Variants in ZNF704 observed in about 807,000 individuals in gnomAD.
The protein encoded by ZNF704 is glucocorticoid induced gene 1.
In ZNF704, 10 loss-of-function variants were observed where a neutral mutation model predicts 44.7. The ratio of observed to expected loss-of-function variants is 0.22; its 90% CI spans 0.14 to 0.38. ZNF704 has a LOEUF of 0.38. Ranked by LOEUF, ZNF704 falls within the 10% of genes least tolerant of loss-of-function variation. ZNF704 has a pLI of 1.00. For missense variants in ZNF704, 390 were observed against 545.5 expected (o/e 0.71, Z 2.84); for synonymous variants, 211 against 207.6 (o/e 1.02, Z -0.14).
chr8:80,793,927 C>G (rs1163391534), intron 2 of ZNF704, among the ~76,000 whole-genome samples: 1 of 152,076 alleles, frequency 6.6e-6, no homozygotes, highest in Admixed American at 6.6e-5. Context: ...TGATGTCTTC[C>G]TACTTGCTAA....
At chr8:80,855,595 A>T (rs1808946601) in intron 1 of ZNF704, among the ~76,000 whole-genome samples, 1 of 152,186 alleles carries the variant, frequency 6.6e-6, no homozygotes, top group African/African-American at 2.4e-5. Context: ...AGAGTATGGA[A>T]TGATACACAA....
At chr8:80,741,459 C>T (rs1332647281) in intron 2 of ZNF704, among the ~76,000 whole-genome samples, 1 of 152,194 alleles carries the variant, frequency 6.6e-6, no homozygotes, top group Admixed American at 6.5e-5. Context: ...TCATTGTTTA[C>T]AGGTAGTGGC....
intron 1 of ZNF704, among the ~76,000 whole-genome samples, chr8:80,865,659 A>G (rs868207465): frequency 3.5e-4 from 54 of 152,326 alleles, no homozygotes; most frequent in Admixed American, 1.0e-3. Context: ...TCGAGGAGAT[A>G]TGACTTTCAT....
chr8:80,775,057 A>G (rs73692135), intron 2 of ZNF704, among the ~76,000 whole-genome samples: 12,980 of 152,236 alleles, frequency 0.085, 633 homozygotes, highest in African/African-American at 0.12. Flanking sequence ...GGGAAGAAAT[A>G]GAAAAAACTA....
chr8:80,858,382 T>TA (rs1808998820), intron 1 of ZNF704, among the ~76,000 whole-genome samples: 1 of 152,252 alleles, frequency 6.6e-6, no homozygotes, highest in Non-Finnish European at 1.5e-5. Flanking sequence ...TTCAATCAGT[T>TA]AAACTATTTT....
chr8:80,775,579 T>G (rs1807397500), intron 2 of ZNF704, among the ~76,000 whole-genome samples: 1 of 152,210 alleles, frequency 6.6e-6, no homozygotes, highest in Non-Finnish European at 1.5e-5. Context: ...CTAAGGTAGG[T>G]AAAAGTTTTA....
At chr8:80,779,194 GAC>G (rs1261926320) in intron 2 of ZNF704, among the ~76,000 whole-genome samples, 5 of 148,130 alleles carry the variant, frequency 3.4e-5, no homozygotes, top group Non-Finnish European at 1.5e-5. Flanking sequence ...TTTATGACAT[GAC>G]ATTTAAAAAA....
At chr8:80,881,589 G>A in the ZNF704 span, among the ~76,000 whole-genome samples, 1 of 152,164 alleles carries the variant, frequency 6.6e-6, no homozygotes, top group South Asian at 2.1e-4. Context: ...AGGCTTCAGG[G>A]AGGAGACAAA....
chr8:80,793,423 C>A (rs1231187594), intron 2 of ZNF704, among the ~76,000 whole-genome samples: 1 of 152,064 alleles, frequency 6.6e-6, no homozygotes, highest in African/African-American at 2.4e-5. Context: ...TGCTATAATA[C>A]AATTCATTCA....
At chr8:80,660,323 T>A (rs1457093645) in intron 6 of ZNF704, among the ~76,000 whole-genome samples, 5 of 151,836 alleles carry the variant, frequency 3.3e-5, no homozygotes, top group Non-Finnish European at 7.4e-5. Context: ...TTAAAAAAAA[T>A]TAGCCAGGGG....
chr8:80,722,248 AAAAACAAAAC>A (rs200783364), intron 2 of ZNF704, among the ~76,000 whole-genome samples: 7,185 of 152,038 alleles, frequency 0.047, 229 homozygotes, highest in Middle Eastern at 0.099. Context: ...CCCACTCCAA[AAAAACAAAAC>A]AAAACAAAAC....
At chr8:80,707,271 T>C (rs769566095) in intron 2 of ZNF704, among the ~76,000 whole-genome samples, 2 of 152,232 alleles carry the variant, frequency 1.3e-5, no homozygotes, top group African/African-American at 4.8e-5. Flanking sequence ...AATTGAAATA[T>C]ATATGTGAAC....
chr8:80,646,510 A>C (rs1817836910), intron 7 of ZNF704, among the ~76,000 whole-genome samples: 1 of 152,110 alleles, frequency 6.6e-6, no homozygotes, highest in Non-Finnish European at 1.5e-5. Flanking sequence ...GTAAGTAAAA[A>C]TCTAACATTT....
intron 3 of ZNF704, among the ~76,000 whole-genome samples, chr8:80,688,543 G>C (rs879706816): frequency 3.9e-5 from 6 of 152,140 alleles, no homozygotes; most frequent in Non-Finnish European, 7.3e-5. Flanking sequence ...CATGGGCCCA[G>C]GCCACCAGGA....
intron 2 of ZNF704, among the ~76,000 whole-genome samples, chr8:80,724,412 A>C (rs966136475): frequency 2.0e-5 from 3 of 152,224 alleles, no homozygotes; most frequent in African/African-American, 7.2e-5. Context: ...TCATCCAACC[A>C]TATACCTTTT....
intron 2 of ZNF704, among the ~76,000 whole-genome samples, chr8:80,726,891 C>A (rs879873412): frequency 7.9e-5 from 12 of 151,860 alleles, no homozygotes; most frequent in African/African-American, 2.7e-4. Context: ...GTTAATAAAG[C>A]AGTTATGCAT....
intron 2 of ZNF704, among the ~76,000 whole-genome samples, chr8:80,773,249 C>T (rs1242061891): frequency 1.3e-5 from 2 of 152,054 alleles, no homozygotes; most frequent in African/African-American, 4.8e-5. Flanking sequence ...GAGACTCTTA[C>T]TTTTATTTAT....
At chr8:80,814,382 T>C (rs1204425154) in intron 2 of ZNF704, 1 of 152,216 alleles carries the variant, frequency 6.6e-6, no homozygotes, top group Non-Finnish European at 1.5e-5. Flanking sequence ...TTCCTACCAT[T>C]TCCCTGTCTG....
chr8:80,709,006 T>C (rs963861738), intron 2 of ZNF704, among the ~76,000 whole-genome samples: 11 of 152,156 alleles, frequency 7.2e-5, no homozygotes, highest in Admixed American at 5.9e-4. Context: ...AAAATTATTA[T>C]AAAAATATAG....
Sources: gnomAD v4.1 joint callset for allele counts (sites outside exome capture counted in the v4.1 genomes callset) on GRCh38, gnomAD v4.1.1 for gene constraint, MANE v1.5 for transcripts, NCBI Gene and HGNC (gene_info 2026-07-23, HGNC 2026-07-21) for gene names.